UBE2Q2: variants seen among roughly 807,000 people sequenced by gnomAD.
The protein encoded by UBE2Q2 is ubiquitin-conjugating enzyme E2 Q2.
UBE2Q2 carries 54 observed loss-of-function variants against 59.9 expected under a neutral mutation model. The ratio of observed to expected loss-of-function variants is 0.90; its 90% confidence interval spans 0.72 to 1.13. UBE2Q2 has a LOEUF of 1.13. UBE2Q2 is among the 50% of genes most tolerant of loss of function. The probability of loss-of-function intolerance (pLI) is 0.00; values close to 1 mark genes in which losing one functional copy is unlikely to be tolerated. For missense variants in UBE2Q2, 433 were observed against 441.9 expected (o/e 0.98, Z 0.18); for synonymous variants, 165 against 155.2 (o/e 1.06, Z -0.47).
At chr15:75,883,574 T>C in intron 9 of UBE2Q2, 150 bp downstream of exon 9, 1 of 594,754 alleles carries the variant, frequency 1.7e-6, no homozygotes, top group South Asian at 2.1e-5. Flanking sequence ...AGTGCTGGGA[T>C]TACAGGCATG....
At chr15:75,892,626 G>A (rs191056615) in intron 11 of UBE2Q2, among the ~76,000 whole-genome samples, 68 of 152,268 alleles carry the variant, frequency 4.5e-4, no homozygotes, top group African/African-American at 1.4e-3. Context: ...TTGGGAGGCC[G>A]AGGCAGGAGG....
Position 75,843,806 on chromosome 15 carries a change from A to C in UBE2Q2, c.140A>C (p.His47Pro). The part of the protein sequence containing the change: ...QFLVPQQGSP[H>P]SLPPPLTLHC... ...CTGGTGCCGCAGCAGGGCAGCCCGCACTCGCTGCCGCCGCCACTCACGCTC... is the reference window on the plus strand; with the variant it reads ...CTGGTGCCGCAGCAGGGCAGCCCGCCCTCGCTGCCGCCGCCACTCACGCTC... Residue 47 changes from histidine (H) to proline (P), a missense_variant, in exon 1 of 13, where the codon CAC becomes CCC. His to Pro is a moderately conservative substitution (Grantham distance 77, BLOSUM62 -2). Coordinates refer to ENST00000267938, the MANE Select transcript of UBE2Q2 (RefSeq NM_173469.4). 1 of 1,601,164 alleles carries C rather than the reference A, an allele frequency of 6.2e-7. No homozygotes were observed. The highest frequency in any genetic ancestry group is 8.5e-7 in the Non-Finnish European group (1 of 1,175,580).
chr15:75,887,771 G>C (rs959051351), intron 9 of UBE2Q2, among the ~76,000 whole-genome samples: 2 of 152,200 alleles, frequency 1.3e-5, no homozygotes, highest in African/African-American at 4.8e-5. Flanking sequence ...TGTTGTCTTA[G>C]AGTGAAGTGA....
At chr15:75,853,152 A>C (rs1896714488) in intron 1 of UBE2Q2, among the ~76,000 whole-genome samples, 2 of 152,186 alleles carry the variant, frequency 1.3e-5, no homozygotes, top group Admixed American at 1.3e-4. Context: ...TTAGCTTTTT[A>C]AAGAAATCAC....
chr15:75,889,029 T>C lies in UBE2Q2; in HGVS notation c.885-1406T>C, dbSNP rs192798599. ...AACTCATCAACCGATTATTAAGCTT[T>C]CAGCAATTGTGGAACCAAAATCTAA... On this transcript the variant is annotated intron_variant, in intron 9 of 12. Transcript: ENST00000267938. Among the ~76,000 whole-genome samples, 5 of 152,346 alleles carry C rather than the reference T, an allele frequency of 3.3e-5. No homozygotes were observed. The East Asian group carries it at 9.7e-4, about 29-fold the overall frequency.
intron 2 of UBE2Q2, among the ~76,000 whole-genome samples, chr15:75,855,132 A>G (rs1326892380): frequency 1.3e-5 from 2 of 152,184 alleles, no homozygotes; most frequent in African/African-American, 2.4e-5. Context: ...AGTAAAATAC[A>G]TATACCTTTA....
chr15:75,899,013 A>G (rs335690), intron 12 of UBE2Q2, among the ~76,000 whole-genome samples: 148,446 of 151,488 alleles, frequency 0.98, 72,804 homozygotes, highest in East Asian at 1. Flanking sequence ...TAATCCCAGC[A>G]CTTTGGGGAG....
At chr15:75,849,240 G>A (rs749387111) in intron 1 of UBE2Q2, among the ~76,000 whole-genome samples, 52 of 152,064 alleles carry the variant, frequency 3.4e-4, no homozygotes, top group Non-Finnish European at 1.8e-4. Flanking sequence ...AATTTACTTC[G>A]TTCTCCACCC....
intron 4 of UBE2Q2, among the ~76,000 whole-genome samples, chr15:75,872,495 A>G (rs934594061): frequency 2.8e-5 from 4 of 144,544 alleles, no homozygotes; most frequent in Non-Finnish European, 6.1e-5. Context: ...GAATAAAGAT[A>G]TTGGTCTAGG....
Position 75,844,318 on chromosome 15 carries a change from A to G in UBE2Q2, c.180+472A>G, listed in dbSNP as rs774773977. 115 of 1,548,566 alleles carry G rather than the reference A, an allele frequency of 7.4e-5. 1 individual carries two copies. The highest frequency in any genetic ancestry group is 7.4e-4 in the South Asian group (62 of 83,960). On this transcript the variant is annotated intron_variant, in intron 1 of 12. Coordinates refer to ENST00000267938, the MANE Select transcript of UBE2Q2 (RefSeq NM_173469.4). ...TTCCTTCTTCCCGCTTGTTCAGCCA[A>G]TTGTTTTTAAGTTTGCGTTTAAGGA...
At chr15:75,848,843 G>A (rs1258809785) in intron 1 of UBE2Q2, among the ~76,000 whole-genome samples, 1 of 152,086 alleles carries the variant, frequency 6.6e-6, no homozygotes, top group African/African-American at 2.4e-5. Flanking sequence ...CTTTGTAACA[G>A]TGTTATGTGA....
chr15:75,853,480 GA>G (rs997489923), intron 1 of UBE2Q2, among the ~76,000 whole-genome samples: 12 of 145,514 alleles, frequency 8.2e-5, no homozygotes, highest in Non-Finnish European at 1.2e-4. Flanking sequence ...AGGAAAAAAA[GA>G]AAAAAAAATT....
At chr15:75,856,269 G>GTGTGTGTA (rs1256142539) in intron 2 of UBE2Q2, among the ~76,000 whole-genome samples, 42 of 139,286 alleles carry the variant, frequency 3.0e-4, no homozygotes, top group African/African-American at 6.0e-4. Flanking sequence ...GTGTGTGTGT[G>GTGTGTGTA]TATATATATA....
chr15:75,883,421 G>GAGGGTAAGTTT lies in UBE2Q2; in HGVS notation c.883_884+9dup. ...CGAGTGGTGTTACCTGTTCTCTCAG[G>GAGGGTAAGTTT]AGGGTAAGTTTAAGTGACTACTTAA... is the stretch of plus-strand genomic sequence containing the variant. On this transcript the variant is annotated stop_gained and frameshift_variant, in exon 9 of 13. Coordinates refer to ENST00000267938, the MANE Select transcript of UBE2Q2 (RefSeq NM_173469.4). LOFTEE classifies it high-confidence loss of function. 1 of 1,611,424 alleles carries GAGGGTAAGTTT rather than the reference G, an allele frequency of 6.2e-7. No homozygotes were observed. Among genetic ancestry groups the GAGGGTAAGTTT allele is most frequent in the Non-Finnish European group, 8.5e-7 (1 of 1,178,950 alleles).
In UBE2Q2 at chr15:75,879,181, C is replaced by T. The variant is rs994158101; in HGVS notation, c.818C>T (p.Ser273Phe). Reference protein sequence around the residue: ...EGIEYILLNFSFKDNFPFDPP... With the variant: ...EGIEYILLNFFFKDNFPFDPP... ...ATAGAATATATTTTGCTTAACTTCT[C>T]TTTTAAGGTAAGAAAATAGTTACAG... is the stretch of plus-strand genomic sequence containing the variant. The change falls in exon 8 of 13, where the codon TCT becomes TTT. Residue 273 changes from serine (S) to phenylalanine (F), a missense_variant. By Grantham distance (155) the Ser-to-Phe change is radical. Transcript: ENST00000267938. 2 of 1,576,710 alleles carry T rather than the reference C, an allele frequency of 1.3e-6. No homozygotes were observed. Among genetic ancestry groups the T allele is most frequent in the Non-Finnish European group, 1.7e-6 (2 of 1,158,194 alleles).
At chr15:75,898,292 G>T (rs1678664973) in intron 12 of UBE2Q2, among the ~76,000 whole-genome samples, 2 of 152,122 alleles carry the variant, frequency 1.3e-5, no homozygotes, top group African/African-American at 2.4e-5. Context: ...GTGGGTATGT[G>T]TAAGCTTAGC....
intron 5 of UBE2Q2, among the ~76,000 whole-genome samples, chr15:75,874,194 A>T (rs556140758): frequency 1.3e-5 from 2 of 151,960 alleles, no homozygotes; most frequent in South Asian, 4.2e-4. Context: ...CCGACAAAAT[A>T]CAATTCAAGT....
intron 3 of UBE2Q2, among the ~76,000 whole-genome samples, chr15:75,867,085 C>T (rs1245089730): frequency 6.6e-6 from 1 of 152,164 alleles, no homozygotes. Context: ...TGGCCTCCCC[C>T]TCCTGGTTTG....
intron 3 of UBE2Q2, among the ~76,000 whole-genome samples, chr15:75,867,763 G>C (rs1243195686): frequency 6.6e-6 from 1 of 152,150 alleles, no homozygotes; most frequent in Non-Finnish European, 1.5e-5. Context: ...TCTCTGGGTA[G>C]GCTTTGAAAT....
Sources: gnomAD v4.1 joint callset for allele counts (sites outside exome capture counted in the v4.1 genomes callset) on GRCh38, gnomAD v4.1.1 for gene constraint, MANE v1.5 for transcripts, NCBI Gene and HGNC (gene_info 2026-07-23, HGNC 2026-07-21) for gene names.